The following RBSN variants were observed in gnomAD, a reference collection of about 807,000 sequenced individuals.
The protein encoded by RBSN is rabenosyn-5.
A neutral mutation model predicts 60.5 loss-of-function variants in RBSN; 34 were observed. The observed-to-expected ratio is 0.56, with a 90% CI of 0.43 to 0.75. RBSN has a LOEUF of 0.75. RBSN is among the 30% of genes least tolerant of loss of function. The pLI, the probability that RBSN is intolerant of heterozygous loss-of-function variation, is 0.00. For missense variants in RBSN, 845 were observed against 986.8 expected (o/e 0.86, Z 1.92); for synonymous variants, 322 against 366.9 (o/e 0.88, Z 1.40).
Position 15,080,763 on chromosome 3 carries a change from G to C in RBSN, c.880C>G (p.Pro294Ala). 1 of 1,614,094 alleles carries C rather than the reference G, an allele frequency of 6.2e-7. No individual in the cohort carries two copies. Among genetic ancestry groups the C allele is most frequent in the African/African-American group, 1.3e-5 (1 of 75,016 alleles). ...GATGCTGCCATCCTGATGTATTCTG[G>C]AGCTTTCTGGTCAACTTTCTCCATG... is the stretch of plus-strand genomic sequence containing the variant. ...LCMEKVDQKAPEYIRMAASLN... is the reference protein window; with the variant it reads ...LCMEKVDQKAAEYIRMAASLN... The change falls in exon 10 of 14, where the codon CCA (proline) becomes GCA (alanine). Residue 294 changes from proline to alanine, a missense_variant. Pro to Ala is a conservative substitution (Grantham distance 27, BLOSUM62 -1). Transcript: ENST00000253699.
intron 10 of RBSN, among the ~76,000 whole-genome samples, chr3:15,079,859 G>A (rs370795766): frequency 1.3e-5 from 2 of 151,490 alleles, no homozygotes; most frequent in South Asian, 2.1e-4. Context: ...GGTAATGTTC[G>A]CTAATTTTGT....
At chr3:15,088,385 A>T (rs534198292) in intron 5 of RBSN, among the ~76,000 whole-genome samples, 1,549 of 147,474 alleles carry the variant, frequency 0.011, 22 homozygotes, top group African/African-American at 0.033. Context: ...TATTATTATT[A>T]TTTTTTTTTT....
Position 15,082,691 on chromosome 3 carries a change from G to A in RBSN, c.599-83C>T, listed in dbSNP as rs985894952. 7.7e-5 allele frequency: 118 copies of A among 1,527,522 alleles called. No individual in the cohort carries two copies. Among genetic ancestry groups the A allele is most frequent in the Non-Finnish European group, 1.0e-4 (117 of 1,131,196 alleles). The allele number at this position is 1,527,522 out of a possible 1,614,324, so 94.6% of individuals were successfully genotyped here. A position where few individuals can be genotyped will look rare whatever the true frequency, so the allele number is the denominator to read the frequency against. On this transcript the variant is annotated intron_variant, in intron 8 of 13. Transcript: ENST00000253699. The surrounding 1 kb of genome is among the most constrained non-coding windows in gnomAD (Gnocchi z 4.2). ...CACGACCTCAAGGTGTCAGTCCACA[G>A]GTGTTTGATTTGGAGAGTAATAAGA...
Position 15,082,265 on chromosome 3 carries a change from G to A in RBSN, c.840+102C>T, listed in dbSNP as rs1290852619. On this transcript the variant is annotated intron_variant, in intron 9 of 13. Transcript: ENST00000253699. This position sits in a 1 kb window ranked among gnomAD's most constrained non-coding sequence, Gnocchi z 4.2. Reference sequence around the variant, plus strand: ...AACAGGAACTACAAATAATTCAAACGAACAACTTCCCAAAGCATTCTCCAG... The same window carrying A: ...AACAGGAACTACAAATAATTCAAACAAACAACTTCCCAAAGCATTCTCCAG... 4.8e-6 allele frequency: 7 copies of A among 1,471,618 alleles called. No individual in the cohort carries two copies. In the East Asian group the frequency reaches 6.9e-5, roughly 14 times the overall value. 91.2% of individuals were successfully genotyped at this position (1,471,618 alleles called of 1,614,324 possible).
chr3:15,075,475 C>A, intron 13 of RBSN, 131 bp downstream of exon 13: 2 of 795,034 alleles, frequency 2.5e-6, no homozygotes, highest in Non-Finnish European at 4.5e-6. Flanking sequence ...TGAAACACAA[C>A]AGAAGAAATA....
intron 5 of RBSN, 99 bp downstream of exon 5, chr3:15,090,300 T>C (rs1394767447): frequency 2.4e-5 from 32 of 1,323,100 alleles, no homozygotes; most frequent in Non-Finnish European, 3.0e-5. Context: ...TAGACCATTA[T>C]GGTTTACTGA....
chr3:15,098,837 AGT>A (rs1206972599), intron 1 of RBSN, among the ~76,000 whole-genome samples, 196 bp downstream of exon 1: 1 of 152,196 alleles, frequency 6.6e-6, no homozygotes, highest in East Asian at 1.9e-4. Flanking sequence ...ACCAAACCCA[AGT>A]GTATACGCCC....
rs1383168433 is a variant in RBSN, at chr3:15,075,749, T to C, written c.1102-39A>G. 5.8e-6 allele frequency: 9 copies of C among 1,558,914 alleles called. No homozygotes were observed. The Admixed American group carries it at 1.5e-4, about 26-fold the overall frequency. The stretch of plus-strand genomic sequence containing the variant: ...CAGACAATTTTACACTTAAACCCTT[T>C]TAGAGAAAAAATGAACCTTAAGCCC... On this transcript the variant is annotated intron_variant, in intron 12 of 13. Transcript: ENST00000253699.
intron 4 of RBSN, chr3:15,091,391 G>T: frequency 8.2e-7 from 1 of 1,216,140 alleles, no homozygotes; most frequent in Non-Finnish European, 1.1e-6. Context: ...GTTCCCCATA[G>T]GCTTAACTGG....
At chr3:15,083,476 C>T (rs998520056) in intron 8 of RBSN, among the ~76,000 whole-genome samples, 1 of 152,174 alleles carries the variant, frequency 6.6e-6, no homozygotes, top group Middle Eastern at 3.2e-3. Context: ...AGCTTGGTTG[C>T]AAAGTCCTGG....
chr3:15,088,128 A>G (rs946743474), intron 5 of RBSN, among the ~76,000 whole-genome samples: 22 of 152,206 alleles, frequency 1.4e-4, no homozygotes, highest in Non-Finnish European at 2.5e-4. Flanking sequence ...ATTGGCAATC[A>G]TGAAACAAGG....
Position 15,084,800 on chromosome 3 carries a change from T to C in RBSN, c.533A>G (p.His178Arg). The change falls in exon 8 of 14, where the codon CAC (histidine) becomes CGC (arginine). Residue 178 changes from histidine to arginine, a missense_variant. Coordinates refer to ENST00000253699, the MANE Select transcript of RBSN (RefSeq NM_022340.4). The surrounding 1 kb of genome is among the most constrained non-coding windows in gnomAD (Gnocchi z 4.2). ...CATAATAGACCCGCAGAGGCGGCAG[T>C]GGTGGCGGCGGTTCCGGATGCTGAA... is the stretch of plus-strand genomic sequence containing the variant. The part of the protein sequence containing the change: ...NKFSIRNRRH[H>R]CRLCGSIMCK... 2 of 1,614,184 alleles carry C rather than the reference T, an allele frequency of 1.2e-6. No homozygotes were observed. The highest frequency in any genetic ancestry group is 1.7e-6 in the Non-Finnish European group (2 of 1,180,038).
chr3:15,076,035 T>C (rs1248638592), intron 12 of RBSN, among the ~76,000 whole-genome samples: 1 of 152,052 alleles, frequency 6.6e-6, no homozygotes, highest in Non-Finnish European at 1.5e-5. Context: ...ACTTCCCTGC[T>C]GTAAGTTTCT....
In RBSN at chr3:15,077,897, C is replaced by T. The variant is rs1416723748; in HGVS notation, c.998+178G>A. Among the ~76,000 whole-genome samples the T allele has an allele frequency of 2.0e-5, 3 of 152,180 alleles. No individual in the cohort carries two copies. Among genetic ancestry groups the T allele is most frequent in the South Asian group, 2.1e-4 (1 of 4,838 alleles). Reference sequence around the variant, plus strand: ...AATAGCAAACATTAGAAATCCTTAACGAAACAAAAGTCACTGAGATGCATT... The same window carrying T: ...AATAGCAAACATTAGAAATCCTTAATGAAACAAAAGTCACTGAGATGCATT... On this transcript the variant is annotated intron_variant, in intron 11 of 13. Transcript: ENST00000253699. This position sits in a 1 kb window ranked among gnomAD's most constrained non-coding sequence, Gnocchi z 4.4.
chr3:15,084,108 CTATTT>C lies in RBSN; in HGVS notation c.598+622_598+626del, dbSNP rs1408749164. Among the ~76,000 whole-genome samples the C allele has an allele frequency of 1.3e-5, 2 of 152,078 alleles. No individual in the cohort carries two copies. Among genetic ancestry groups the C allele is most frequent in the African/African-American group, 2.4e-5 (1 of 41,410 alleles). ...CAAACTAAGTATAATTTTCACATTGCTATTTTATTTTATTTATTTATTTTTTTGAG... is the reference window on the plus strand; with the variant it reads ...CAAACTAAGTATAATTTTCACATTGCTATTTTATTTATTTATTTTTTTGAG... On this transcript the variant is annotated intron_variant, in intron 8 of 13. Transcript: ENST00000253699. This position sits in a 1 kb window ranked among gnomAD's most constrained non-coding sequence, Gnocchi z 4.2.
At chr3:15,076,772 C>A (rs1405852793) in intron 12 of RBSN, among the ~76,000 whole-genome samples, 1 of 152,110 alleles carries the variant, frequency 6.6e-6, no homozygotes, top group Admixed American at 6.6e-5. Flanking sequence ...ATGGCATATA[C>A]AGTCAATATG....
chr3:15,081,134 G>C, intron 9 of RBSN: 1 of 206,402 alleles, frequency 4.8e-6, no homozygotes, highest in Non-Finnish European at 9.8e-6. Flanking sequence ...ATGCCTCGGC[G>C]TCCTGAGTAG....
chr3:15,090,351 G>A, intron 5 of RBSN, 48 bp downstream of exon 5: 2 of 1,603,054 alleles, frequency 1.2e-6, no homozygotes, highest in Non-Finnish European at 1.7e-6. Context: ...CTAGAACATA[G>A]CAGATGCTCA....
At chr3:15,097,668 A>C (rs2043697557) in intron 2 of RBSN, among the ~76,000 whole-genome samples, 1 of 152,298 alleles carries the variant, frequency 6.6e-6, no homozygotes. Flanking sequence ...AGAGAAATTG[A>C]GACAAAACCA....
Sources: allele counts gnomAD v4.1 joint callset (sites outside exome capture counted in the v4.1 genomes callset), GRCh38; gene constraint gnomAD v4.1.1; non-coding constraint Gnocchi (gnomAD v3.1); transcripts MANE v1.5; gene names NCBI Gene and HGNC (gene_info 2026-07-23, HGNC 2026-07-21).